Variants in PLA2G4A observed in about 807,000 individuals in gnomAD.
PLA2G4A encodes phospholipase A2 group IVA.
PLA2G4A carries 40 observed loss-of-function variants against 81.9 expected under a neutral mutation model. The ratio of observed to expected loss-of-function variants is 0.49; its 90% confidence interval spans 0.38 to 0.64. The LOEUF is 0.64. Ranked by LOEUF, PLA2G4A falls within the 30% of genes least tolerant of loss-of-function variation. The pLI is 0.00. For synonymous variants in PLA2G4A, 302 were observed against 296.9 expected, an observed-to-expected ratio of 1.02 and a Z score of -0.18; for missense variants, 715 against 905.1, an observed-to-expected ratio of 0.79 and a Z score of 2.69.
chr1:186,893,912 C>G (rs1448518746), intron 4 of PLA2G4A, among the ~76,000 whole-genome samples, 186 bp from the exon 5 acceptor site: 1 of 112,916 alleles, frequency 8.9e-6, no homozygotes, highest in Non-Finnish European at 1.9e-5. Context: ...GAGTGAGACC[C>G]TGTCTCAAAA....
At chr1:186,839,064 T>TAA (rs11455181) in intron 1 of PLA2G4A, among the ~76,000 whole-genome samples, 26 of 152,024 alleles carry the variant, frequency 1.7e-4, no homozygotes, top group African/African-American at 5.8e-4. Flanking sequence ...TCCTCAAAGT[T>TAA]AAAAAAACAT....
chr1:186,836,074 T>A (rs1651765429), intron 1 of PLA2G4A, among the ~76,000 whole-genome samples: 2 of 152,100 alleles, frequency 1.3e-5, no homozygotes, highest in South Asian at 4.1e-4. Flanking sequence ...ATTCACTGTT[T>A]GCAGAAATTG....
intron 2 of PLA2G4A, among the ~76,000 whole-genome samples, chr1:186,861,466 C>A (rs1460394974): frequency 6.6e-6 from 1 of 152,116 alleles, no homozygotes. Context: ...CTAGTTAGTT[C>A]TTTCCTACTT....
In PLA2G4A at chr1:186,855,680, A is replaced by G. The variant is rs577054356; in HGVS notation, c.33+1293A>G. Among the ~76,000 whole-genome samples the G allele has an allele frequency of 7.2e-5, 11 of 152,154 alleles. No individual in the cohort carries two copies. The South Asian group carries it at 2.3e-3, about 32-fold the overall frequency. On this transcript the variant is annotated intron_variant, in intron 2 of 17. Coordinates refer to ENST00000367466, the MANE Select transcript of PLA2G4A (RefSeq NM_024420.3). The stretch of plus-strand genomic sequence containing the variant: ...GAGATTCATTCATGTTGTTGTGAGT[A>G]GCACACTTCCACACTTTTACATTGC...
rs12720707 is a variant in PLA2G4A at position 186,988,864 on chromosome 1, G to A, written c.*356G>A. 0.056 allele frequency: 10,864 copies of A among 194,950 alleles called. 384 individuals are homozygous for A. Among genetic ancestry groups the A allele is most frequent in the Middle Eastern group, 0.1 (46 of 462 alleles). The allele number at this position is 194,950 out of a possible 1,614,324, so 12.1% of individuals were successfully genotyped here. On this transcript the variant is annotated 3_prime_UTR_variant, in exon 18 of 18. Coordinates refer to ENST00000367466, the MANE Select transcript of PLA2G4A (RefSeq NM_024420.3). ...AACAGTTCAATCTCAATAAGACCTC[G>A]CATTATGTATGAATGTTATTCACTG...
chr1:186,830,125 G>A (rs1361982312), intron 1 of PLA2G4A, among the ~76,000 whole-genome samples: 1 of 152,136 alleles, frequency 6.6e-6, no homozygotes, highest in African/African-American at 2.4e-5. Context: ...GTTAGAGGTT[G>A]GGATAAGAAA....
chr1:186,860,784 A>C (rs981390004), intron 2 of PLA2G4A, among the ~76,000 whole-genome samples: 1 of 152,170 alleles, frequency 6.6e-6, no homozygotes. Context: ...TTTACCACAC[A>C]ACATAGATCA....
At chr1:186,875,119 C>T (rs146366827) in intron 3 of PLA2G4A, among the ~76,000 whole-genome samples, 371 of 152,120 alleles carry the variant, frequency 2.4e-3, no homozygotes, top group Middle Eastern at 3.4e-3. Flanking sequence ...ACATTGCTGA[C>T]CCATGAACCA....
chr1:186,909,914 TG>T (rs1236471877), intron 6 of PLA2G4A, among the ~76,000 whole-genome samples: 1 of 152,156 alleles, frequency 6.6e-6, no homozygotes, highest in African/African-American at 2.4e-5. Flanking sequence ...ATGCCAAATT[TG>T]AATACTGCTT....
chr1:186,881,204 A>G (rs1653718775), intron 3 of PLA2G4A, among the ~76,000 whole-genome samples: 1 of 152,078 alleles, frequency 6.6e-6, no homozygotes, highest in African/African-American at 2.4e-5. Context: ...TGACTTTAGA[A>G]AGCACTATTA....
At chr1:186,838,723 C>A (rs948464167) in intron 1 of PLA2G4A, among the ~76,000 whole-genome samples, 2 of 152,110 alleles carry the variant, frequency 1.3e-5, no homozygotes, top group African/African-American at 4.8e-5. Context: ...TTATTGGACT[C>A]CTAGCTAAGT....
At chr1:186,863,590 T>C (rs1652896869) in intron 2 of PLA2G4A, among the ~76,000 whole-genome samples, 1 of 152,020 alleles carries the variant, frequency 6.6e-6, no homozygotes, top group Admixed American at 6.6e-5. Context: ...TACTTATTTC[T>C]CCTACCTAAC....
intron 3 of PLA2G4A, among the ~76,000 whole-genome samples, chr1:186,878,507 G>T (rs1653603715): frequency 6.6e-6 from 1 of 151,440 alleles, no homozygotes; most frequent in African/African-American, 2.4e-5. Flanking sequence ...TTTCCCAATG[G>T]TCTTTTCATG....
At chr1:186,895,436 C>A (rs944418829) in intron 5 of PLA2G4A, among the ~76,000 whole-genome samples, 1 of 152,206 alleles carries the variant, frequency 6.6e-6, no homozygotes, top group Non-Finnish European at 1.5e-5. Flanking sequence ...ATTCTGTCGA[C>A]CCCTTTTAAA....
intron 7 of PLA2G4A, among the ~76,000 whole-genome samples, chr1:186,920,835 A>G (rs1655324781): frequency 1.3e-5 from 2 of 152,104 alleles, no homozygotes; most frequent in African/African-American, 4.8e-5. Context: ...TTGCATCTCT[A>G]TTCACAAATA....
At chr1:186,934,272 T>A (rs1348202551) in intron 8 of PLA2G4A, among the ~76,000 whole-genome samples, 1 of 151,908 alleles carries the variant, frequency 6.6e-6, no homozygotes, top group Admixed American at 6.6e-5. Context: ...ACTCATCTAA[T>A]AAAGCAAGAC....
intron 1 of PLA2G4A, among the ~76,000 whole-genome samples, chr1:186,853,037 G>T (rs60259902): frequency 0.011 from 1,710 of 151,978 alleles, 22 homozygotes; most frequent in African/African-American, 0.04. Flanking sequence ...AAAGTAAATA[G>T]ACGTTTTACT....
At chr1:186,842,961 C>T (rs1418026142) in intron 1 of PLA2G4A, among the ~76,000 whole-genome samples, 2 of 152,150 alleles carry the variant, frequency 1.3e-5, no homozygotes, top group Non-Finnish European at 2.9e-5. Flanking sequence ...GCTTCAGGGT[C>T]TTTTGTAGAG....
chr1:186,983,083 C>CAAA (rs542890862), intron 17 of PLA2G4A, among the ~76,000 whole-genome samples: 3 of 99,038 alleles, frequency 3.0e-5, no homozygotes, highest in African/African-American at 9.9e-5. Context: ...GAGTCTGTCT[C>CAAA]AAAAAAAAAA....
Sources: allele counts gnomAD v4.1 joint callset (sites outside exome capture counted in the v4.1 genomes callset), GRCh38; gene constraint gnomAD v4.1.1; transcripts MANE v1.5; gene names NCBI Gene and HGNC (gene_info 2026-07-23, HGNC 2026-07-21).